Variants in ECT2L observed in about 807,000 individuals in gnomAD.
ECT2L encodes the protein epithelial cell-transforming sequence 2 oncogene-like.
Under a neutral mutation model 122.8 loss-of-function variants are expected in ECT2L, and 126 were observed. The ratio of observed to expected loss-of-function variants is 1.03; its 90% CI spans 0.89 to 1.19. The LOEUF (loss-of-function observed/expected upper bound fraction) is 1.19, where lower values mean the gene tolerates loss of function less well. Ranked by LOEUF, ECT2L falls within the 50% of genes most tolerant of loss-of-function variation. ECT2L has a pLI of 0.00. For synonymous variants in ECT2L, 385 were observed against 381.8 expected (o/e 1.01, Z -0.10); for missense variants, 1,012 against 1,064.1 (o/e 0.95, Z 0.68).
chr6:138,826,613 G>C (rs1442258228), intron 4 of ECT2L, among the ~76,000 whole-genome samples: 1 of 152,056 alleles, frequency 6.6e-6, no homozygotes, highest in African/African-American at 2.4e-5. Flanking sequence ...ATTGCAGTGA[G>C]CCGAGATTGC....
intron 4 of ECT2L, among the ~76,000 whole-genome samples, chr6:138,828,042 C>A (rs1776515709): frequency 6.6e-6 from 1 of 152,044 alleles, no homozygotes; most frequent in South Asian, 2.1e-4. Context: ...ATTAACTCGT[C>A]ATTTACATTA....
At chr6:138,899,653 T>G (rs1779332005) in intron 20 of ECT2L, among the ~76,000 whole-genome samples, 2 of 152,164 alleles carry the variant, frequency 1.3e-5, no homozygotes, top group African/African-American at 4.8e-5. Flanking sequence ...ATTTAAAAAT[T>G]AAACAAAAAT....
chr6:138,799,166 A>T (rs1775445194), intron 1 of ECT2L, among the ~76,000 whole-genome samples: 1 of 152,188 alleles, frequency 6.6e-6, no homozygotes, highest in African/African-American at 2.4e-5. Context: ...TTTATATCCA[A>T]TTCAAATTAA....
chr6:138,865,497 T>C (rs1335167003), intron 12 of ECT2L, among the ~76,000 whole-genome samples: 1 of 152,228 alleles, frequency 6.6e-6, no homozygotes, highest in East Asian at 1.9e-4. Context: ...CCACTAGAAT[T>C]TGCTCTGAAA....
chr6:138,803,098 A>T (rs1398402505), intron 1 of ECT2L, among the ~76,000 whole-genome samples: 1 of 151,142 alleles, frequency 6.6e-6, no homozygotes, highest in African/African-American at 2.4e-5. Flanking sequence ...AATAATAATG[A>T]TAATAACCCT....
intron 13 of ECT2L, among the ~76,000 whole-genome samples, chr6:138,869,992 G>A (rs115630435): frequency 0.015 from 2,351 of 152,288 alleles, 54 homozygotes; most frequent in African/African-American, 0.054. Flanking sequence ...ACTGGAATAT[G>A]AGATGAACTA....
intron 19 of ECT2L, among the ~76,000 whole-genome samples, chr6:138,887,224 C>CT (rs10622407): frequency 3.4e-5 from 5 of 149,052 alleles, no homozygotes; most frequent in Non-Finnish European, 7.4e-5. Flanking sequence ...GTTTTCTTTT[C>CT]TTTAATTTTT....
rs751638642 is a variant in ECT2L at position 138,901,109 on chromosome 6, C to T, written c.2576C>T (p.Pro859Leu). The change falls in exon 21 of 22, where the codon CCA becomes CTA. Residue 859 changes from proline to leucine, a missense_variant. By Grantham distance (98) the Pro-to-Leu change is moderately conservative. Transcript: ENST00000541398. ...CATCGGTTACTCATAGAAAATATTC[C>T]AGATTCCAAGTGTATGTATTCTTTT... ...ALHRLLIENI[P>L]DSKYVKNAFI... 1 of 1,613,896 alleles carries T rather than the reference C, an allele frequency of 6.2e-7. No individual in the cohort carries two copies. The highest frequency in any genetic ancestry group is 8.5e-7 in the Non-Finnish European group (1 of 1,179,868).
At chr6:138,811,193 G>A (rs34587661) in intron 1 of ECT2L, among the ~76,000 whole-genome samples, 36 of 152,310 alleles carry the variant, frequency 2.4e-4, no homozygotes, top group Non-Finnish European at 4.0e-4. Flanking sequence ...GAAGCCTGCT[G>A]CCATGGGAGC....
chr6:138,880,106 G>C (rs1409903650), intron 14 of ECT2L, among the ~76,000 whole-genome samples: 1 of 152,182 alleles, frequency 6.6e-6, no homozygotes, highest in Non-Finnish European at 1.5e-5. Flanking sequence ...ACTGAAAGAA[G>C]AGCATATGCT....
intron 20 of ECT2L, among the ~76,000 whole-genome samples, chr6:138,889,388 G>A (rs888856768): frequency 6.6e-6 from 1 of 151,796 alleles, no homozygotes; most frequent in Non-Finnish European, 1.5e-5. Context: ...GTGCAGTGGC[G>A]CAATCTCGGC....
chr6:138,849,271 G>A lies in ECT2L; in HGVS notation c.906G>A (p.Met302Ile), dbSNP rs372318147. The A allele has an allele frequency of 4.4e-6, 7 of 1,604,492 alleles. No individual in the cohort carries two copies. The African/African-American group carries it at 6.7e-5, about 15-fold the overall frequency. ...ACAGCTTTGGTTTCATTCTCCAGAT[G>A]GTGATGGAGAGTGTGAAGGCTGGTG... ...LISSRIPAYE[M>I]VMESVKAGVV... The change falls in exon 9 of 22, where the codon ATG becomes ATA. Residue 302 changes from methionine (M) to isoleucine (I), a missense_variant and splice_region_variant. By Grantham distance (10) the Met-to-Ile change is conservative. Transcript: ENST00000541398.
At chr6:138,890,770 G>T (rs1467730961) in intron 20 of ECT2L, among the ~76,000 whole-genome samples, 2 of 151,890 alleles carry the variant, frequency 1.3e-5, no homozygotes, top group African/African-American at 2.4e-5. Flanking sequence ...TAGGGTCAAT[G>T]AATTCTCTCA....
intron 20 of ECT2L, 96 bp downstream of exon 20, chr6:138,889,127 A>C (rs1342334061): frequency 1.9e-6 from 1 of 519,138 alleles, no homozygotes; most frequent in Non-Finnish European, 3.2e-6. Flanking sequence ...ACAATGTCTG[A>C]CACAGTAGGT....
rs587778240 is a variant in ECT2L, at chr6:138,881,030, A to T, written c.1739A>T (p.Lys580Ile). 2 of 1,614,166 alleles carry T rather than the reference A, an allele frequency of 1.2e-6. No individual in the cohort carries two copies. Among genetic ancestry groups the T allele is most frequent in the East Asian group, 2.2e-5 (1 of 44,874 alleles). Residue 580 changes from lysine to isoleucine, a missense_variant, in exon 15 of 22, where the codon AAA becomes ATA. Lys to Ile is a moderately radical substitution (Grantham distance 102). Coordinates refer to ENST00000541398, the MANE Select transcript of ECT2L (RefSeq NM_001077706.3). The stretch of plus-strand genomic sequence containing the variant: ...AGAGAACTCTTACAGAGTGAGAGAA[A>T]ATACGTGCAGATACTGGAAATTGTG... ...VVRELLQSERKYVQILEIVRD... is the reference protein window; with the variant it reads ...VVRELLQSERIYVQILEIVRD...
At chr6:138,842,708 C>T (rs993123617) in intron 5 of ECT2L, among the ~76,000 whole-genome samples, 3 of 146,048 alleles carry the variant, frequency 2.1e-5, no homozygotes, top group African/African-American at 7.6e-5. Flanking sequence ...GGAGGCGGAG[C>T]TTGCAATGAG....
chr6:138,874,376 G>A (rs111363848), intron 13 of ECT2L, among the ~76,000 whole-genome samples: 180 of 152,052 alleles, frequency 1.2e-3, no homozygotes, highest in Non-Finnish European at 1.7e-3. Context: ...AGATAGCATC[G>A]GAATCTAAAA....
chr6:138,803,091 A>G (rs1450809589), intron 1 of ECT2L, among the ~76,000 whole-genome samples: 1 of 148,036 alleles, frequency 6.8e-6, no homozygotes, highest in Non-Finnish European at 1.5e-5. Context: ...AAAAAAAAAT[A>G]ATAATGATAA....
At chr6:138,817,725 G>T (rs1344069495) in intron 4 of ECT2L, among the ~76,000 whole-genome samples, 1 of 152,148 alleles carries the variant, frequency 6.6e-6, no homozygotes, top group Non-Finnish European at 1.5e-5. Flanking sequence ...GGAATTTTAT[G>T]ATATTTAAGA....
Sources: allele counts gnomAD v4.1 joint callset (sites outside exome capture counted in the v4.1 genomes callset), GRCh38; gene constraint gnomAD v4.1.1; transcripts MANE v1.5; gene names NCBI Gene and HGNC (gene_info 2026-07-23, HGNC 2026-07-21).